ATRNL1: variants seen among roughly 807,000 people sequenced by gnomAD.
ATRNL1 encodes attractin-like protein 1.
Under a neutral mutation model 182.7 loss-of-function variants are expected in ATRNL1, and 95 were observed. That is an observed-to-expected ratio of 0.52 (90% CI 0.44 to 0.62). The LOEUF (loss-of-function observed/expected upper bound fraction) is 0.62, where lower values mean the gene tolerates loss of function less well. Among genes scored for constraint, ATRNL1 ranks in the 20% least tolerant of loss-of-function variants. The pLI is 0.00. For synonymous variants in ATRNL1, 576 were observed against 568.3 expected, an observed-to-expected ratio of 1.01 and a Z score of -0.19; for missense variants, 1,471 against 1,679.5, an observed-to-expected ratio of 0.88 and a Z score of 2.17.
chr10:115,574,418 A>G (rs1044138345), intron 26 of ATRNL1, among the ~76,000 whole-genome samples: 1 of 151,950 alleles, frequency 6.6e-6, no homozygotes, highest in African/African-American at 2.4e-5. Context: ...ATAGTTGCCA[A>G]TGCTATTCCA....
intron 20 of ATRNL1, among the ~76,000 whole-genome samples, chr10:115,413,930 C>T (rs1845262461): frequency 6.6e-6 from 1 of 151,980 alleles, no homozygotes; most frequent in South Asian, 2.1e-4. Flanking sequence ...TATAAATATA[C>T]ATATGTGCAC....
At chr10:115,822,316 A>G (rs1443124127) in intron 27 of ATRNL1, among the ~76,000 whole-genome samples, 4 of 152,226 alleles carry the variant, frequency 2.6e-5, no homozygotes, top group African/African-American at 9.6e-5. Context: ...AAATGCCCAC[A>G]GGAGAAAGCA....
In ATRNL1 at chr10:115,946,562, C is replaced by A. The variant is rs868954291; in HGVS notation, c.*1783C>A. 1 of 152,016 alleles carries A rather than the reference C, an allele frequency of 6.6e-6. No individual in the cohort carries two copies. The highest frequency in any genetic ancestry group is 1.5e-5 in the Non-Finnish European group (1 of 67,982). 9.4% of individuals were successfully genotyped at this position (152,016 alleles called of 1,614,324 possible). A position where few individuals can be genotyped will look rare whatever the true frequency, so the allele number is the denominator to read the frequency against. ...CCATGCATTAAAAATAAGACAAATTCTTAGAGTAATTTTAGTAATTTTATC... is the reference window on the plus strand; with the variant it reads ...CCATGCATTAAAAATAAGACAAATTATTAGAGTAATTTTAGTAATTTTATC... On this transcript the variant is annotated 3_prime_UTR_variant, in exon 29 of 29. Coordinates refer to ENST00000355044, the MANE Select transcript of ATRNL1 (RefSeq NM_207303.4).
chr10:115,795,287 T>C (rs1365866308), intron 27 of ATRNL1, among the ~76,000 whole-genome samples: 4 of 152,226 alleles, frequency 2.6e-5, no homozygotes, highest in African/African-American at 9.7e-5. Flanking sequence ...CATGAGTTTA[T>C]ATAAATGGCT....
intron 27 of ATRNL1, among the ~76,000 whole-genome samples, chr10:115,757,254 C>T (rs566633680): frequency 5.9e-5 from 9 of 152,226 alleles, no homozygotes; most frequent in South Asian, 4.1e-4. Context: ...TTCCTAGTGT[C>T]GATGTTCTTT....
At chr10:115,648,619 G>C (rs1555033435) in intron 26 of ATRNL1, among the ~76,000 whole-genome samples, 1 of 152,204 alleles carries the variant, frequency 6.6e-6, no homozygotes, top group East Asian at 1.9e-4. Flanking sequence ...ATAGACCAAC[G>C]AAATGGAACA....
chr10:115,481,126 G>A (rs1055732002), intron 24 of ATRNL1, among the ~76,000 whole-genome samples: 3 of 150,184 alleles, frequency 2.0e-5, no homozygotes, highest in African/African-American at 7.3e-5. Flanking sequence ...TTTTTAGATG[G>A]TTGCCCTTGT....
intron 26 of ATRNL1, among the ~76,000 whole-genome samples, chr10:115,591,214 C>A (rs184647088): frequency 1.6e-4 from 25 of 152,348 alleles, no homozygotes. Context: ...GAGATAGACT[C>A]TTTACTCACA....
chr10:115,345,724 T>G (rs1295728976), intron 19 of ATRNL1, among the ~76,000 whole-genome samples: 1 of 152,202 alleles, frequency 6.6e-6, no homozygotes, highest in Non-Finnish European at 1.5e-5. Flanking sequence ...ACATTTTTTA[T>G]CATCCCAAAA....
rs142250277 is a variant in ATRNL1 at position 115,486,838 on chromosome 10, C to G, written c.3654+17509C>G. 2.6e-4 allele frequency among the ~76,000 whole-genome samples: 39 copies of G among 151,992 alleles called. No homozygotes were observed. In the East Asian group the frequency reaches 7.4e-3, roughly 29 times the overall value. On this transcript the variant is annotated intron_variant, in intron 24 of 28. Coordinates refer to ENST00000355044, the MANE Select transcript of ATRNL1 (RefSeq NM_207303.4). Reference sequence around the variant, plus strand: ...ATGCCTATGTCCTGAATGGTATTGCCCAGGTTTTCTTCTAGGGTTTTTATG... The same window carrying G: ...ATGCCTATGTCCTGAATGGTATTGCGCAGGTTTTCTTCTAGGGTTTTTATG...
At chr10:115,127,468 T>A in intron 3 of ATRNL1, 125 bp from the exon 4 acceptor site, 1 of 677,608 alleles carries the variant, frequency 1.5e-6, no homozygotes, top group Admixed American at 3.5e-5. Context: ...GTATTCTCCT[T>A]TTAGTTGCCC....
At chr10:115,302,139 A>T in intron 17 of ATRNL1, 96 bp downstream of exon 17, 1 of 1,156,224 alleles carries the variant, frequency 8.6e-7, no homozygotes, top group East Asian at 2.5e-5. Flanking sequence ...GAAGTTTCAA[A>T]AAATGAGAAA....
At chr10:115,647,585 G>T (rs1246165045) in intron 26 of ATRNL1, among the ~76,000 whole-genome samples, 1 of 152,158 alleles carries the variant, frequency 6.6e-6, no homozygotes, top group Admixed American at 6.6e-5. Context: ...TCTGTTGGCT[G>T]CCTAAATGTC....
chr10:115,678,749 C>G (rs374030045), intron 26 of ATRNL1, among the ~76,000 whole-genome samples: 1 of 152,100 alleles, frequency 6.6e-6, no homozygotes, highest in Non-Finnish European at 1.5e-5. Context: ...CTAAAGGTGT[C>G]ATATGCATAT....
At chr10:115,944,411 TGATTTGATTGTTCCAA>T (rs1414993931) in intron 28 of ATRNL1, among the ~76,000 whole-genome samples, 9 of 152,198 alleles carry the variant, frequency 5.9e-5, no homozygotes, top group Non-Finnish European at 1.3e-4. Flanking sequence ...TGTCAAACAC[TGATTTGATTGTTCCAA>T]GTCAGAGTCA....
chr10:115,377,178 T>A (rs1252957517), intron 19 of ATRNL1, among the ~76,000 whole-genome samples: 2 of 152,192 alleles, frequency 1.3e-5, no homozygotes, highest in Non-Finnish European at 2.9e-5. Context: ...CATCTTAAAT[T>A]GTAGCTCCCA....
chr10:115,145,862 T>C (rs1258510674), intron 5 of ATRNL1, among the ~76,000 whole-genome samples: 2 of 152,158 alleles, frequency 1.3e-5, no homozygotes, highest in Non-Finnish European at 2.9e-5. Context: ...ATAGTCTTGC[T>C]GGGATGAAAA....
chr10:115,613,819 TTTTTTCTAAATGGTC>T (rs1857288566), intron 26 of ATRNL1, among the ~76,000 whole-genome samples: 1 of 152,002 alleles, frequency 6.6e-6, no homozygotes, highest in Non-Finnish European at 1.5e-5. Context: ...TTGTTCATAT[TTTTTTCTAAATGGTC>T]TTTTTGCATT....
intron 19 of ATRNL1, among the ~76,000 whole-genome samples, chr10:115,366,502 C>G (rs1253099197): frequency 6.6e-6 from 1 of 151,974 alleles, no homozygotes; most frequent in Non-Finnish European, 1.5e-5. Context: ...TTAATTGGAG[C>G]GTTTAGTCCA....
Sources: gnomAD v4.1 joint callset for allele counts (sites outside exome capture counted in the v4.1 genomes callset) on GRCh38, gnomAD v4.1.1 for gene constraint, MANE v1.5 for transcripts, NCBI Gene and HGNC (gene_info 2026-07-23, HGNC 2026-07-21) for gene names.